The following LRRC3B variants were observed in gnomAD, a reference collection of about 807,000 sequenced individuals.
The protein encoded by LRRC3B is leucine rich repeat containing 3B, also known as leucine-rich repeat-containing protein 3B.
A neutral mutation model predicts 12.8 loss-of-function variants in LRRC3B; 2 were observed. That is an observed-to-expected ratio of 0.16 (90% confidence interval 0.06 to 0.49). The LOEUF (loss-of-function observed/expected upper bound fraction) is 0.49. LRRC3B is among the 20% of genes least tolerant of loss of function. The pLI, the probability that LRRC3B is intolerant of heterozygous loss-of-function variation, is 0.96. For synonymous variants in LRRC3B, 132 were observed against 122.0 expected, an observed-to-expected ratio of 1.08 and a Z score of -0.54; for missense variants, 189 against 319.4, an observed-to-expected ratio of 0.59 and a Z score of 3.11.
intron 1 of LRRC3B, among the ~76,000 whole-genome samples, chr3:26,667,722 A>C (rs1050237878): frequency 1.3e-5 from 2 of 152,198 alleles, no homozygotes; most frequent in East Asian, 3.9e-4. Context: ...AAACATGGTC[A>C]CATGGGAACT....
chr3:26,634,864 C>T (rs2125402933), intron 1 of LRRC3B, among the ~76,000 whole-genome samples: 1 of 152,242 alleles, frequency 6.6e-6, no homozygotes, highest in East Asian at 1.9e-4. Flanking sequence ...CTTCATTGGG[C>T]CTGGTTAAAA....
chr3:26,696,506 C>T (rs1183705041), intron 1 of LRRC3B, among the ~76,000 whole-genome samples: 1 of 152,164 alleles, frequency 6.6e-6, no homozygotes, highest in East Asian at 1.9e-4. Flanking sequence ...TCTCCCCTAA[C>T]TCTTCAGAAT....
At chr3:26,630,917 G>A (rs1176271877) in intron 1 of LRRC3B, among the ~76,000 whole-genome samples, 1 of 152,226 alleles carries the variant, frequency 6.6e-6, no homozygotes, top group East Asian at 1.9e-4. Flanking sequence ...GGACAGGCCC[G>A]GGCAAATGGT....
chr3:26,662,000 G>C (rs2125423590), intron 1 of LRRC3B, among the ~76,000 whole-genome samples: 1 of 152,276 alleles, frequency 6.6e-6, no homozygotes, highest in East Asian at 1.9e-4. Context: ...AATCCCCTGA[G>C]TGTTCTGGGG....
exon 1 of LRRC3B, chr3:26,622,878 A>C (rs1698544090): frequency 6.6e-6 from 1 of 152,140 alleles, no homozygotes; most frequent in Admixed American, 6.5e-5. Flanking sequence ...CTCTTCCTGC[A>C]AGGCTACGGC....
intron 1 of LRRC3B, among the ~76,000 whole-genome samples, chr3:26,682,319 A>G (rs1158720330): frequency 6.6e-6 from 1 of 152,002 alleles, no homozygotes; most frequent in Non-Finnish European, 1.5e-5. Flanking sequence ...ACCGCTACAC[A>G]CATAGCTTGC....
In LRRC3B at chr3:26,648,451, A is replaced by G. The variant is rs780185757; in HGVS notation, c.-161+25214A>G. On this transcript the variant is annotated intron_variant, in intron 1 of 1. Coordinates refer to ENST00000396641, the Ensembl canonical transcript of LRRC3B. ...ATGAAAAGGGCTTTTTTTTTGTTTC[A>G]GTAAAAATTTAAATCTCCAGTTTTC... is the stretch of plus-strand genomic sequence containing the variant. Among the ~76,000 whole-genome samples the G allele has an allele frequency of 2.0e-5, 3 of 152,010 alleles. No individual in the cohort carries two copies. In the South Asian group the frequency reaches 6.2e-4, roughly 32 times the overall value.
At chr3:26,678,950 T>C (rs562384063) in intron 1 of LRRC3B, among the ~76,000 whole-genome samples, 1 of 152,166 alleles carries the variant, frequency 6.6e-6, no homozygotes, top group Non-Finnish European at 1.5e-5. Flanking sequence ...AGTATTTGGG[T>C]GGGCTCTGTT....
intron 1 of LRRC3B, among the ~76,000 whole-genome samples, chr3:26,664,226 C>A: frequency 6.6e-6 from 1 of 152,054 alleles, no homozygotes. Flanking sequence ...ACTTTTCATA[C>A]CCTGACAAGT....
At chr3:26,710,409 A>C (rs1559377439) in exon 2 of LRRC3B, 1 of 1,613,526 alleles carries the variant, frequency 6.2e-7, no homozygotes, top group Admixed American at 1.7e-5. Context: ...CCAAGCAGGC[A>C]GAAGAAAGCA....
chr3:26,687,871 C>G (rs938482916), intron 1 of LRRC3B, among the ~76,000 whole-genome samples: 1 of 152,190 alleles, frequency 6.6e-6, no homozygotes, highest in Non-Finnish European at 1.5e-5. Flanking sequence ...TAAGAATTAG[C>G]CTTGGCTCCT....
At chr3:26,639,157 T>G (rs975613871) in intron 1 of LRRC3B, among the ~76,000 whole-genome samples, 4 of 152,194 alleles carry the variant, frequency 2.6e-5, no homozygotes, top group African/African-American at 9.7e-5. Flanking sequence ...TTGTGTAATT[T>G]AAAATTTTTT....
At chr3:26,657,722 T>TGC (rs1699403862) in intron 1 of LRRC3B, among the ~76,000 whole-genome samples, 1 of 152,148 alleles carries the variant, frequency 6.6e-6, no homozygotes, top group African/African-American at 2.4e-5. Context: ...GCTCATTACT[T>TGC]TCGAGGTTGC....
intron 1 of LRRC3B, among the ~76,000 whole-genome samples, chr3:26,670,888 T>C (rs1039449427): frequency 6.6e-6 from 1 of 152,182 alleles, no homozygotes; most frequent in Admixed American, 6.5e-5. Flanking sequence ...TACAAAGAAC[T>C]ATCAAGGAGA....
chr3:26,671,367 TATATATAGAGAGAG>T lies in LRRC3B; in HGVS notation c.-160-38144_-160-38131del, dbSNP rs1223647734. 1.7e-4 allele frequency among the ~76,000 whole-genome samples: 7 copies of T among 40,318 alleles called. No individual in the cohort carries two copies. The South Asian group carries it at 3.9e-3, about 22-fold the overall frequency. The allele number at this position is 40,318 out of a possible 152,430, so 26.5% of individuals were successfully genotyped here. Reference sequence around the variant, plus strand: ...ATATGTGTGTATATATATATATATATATATATAGAGAGAGAGAGAGAGAGAGAGAGAGAGAGAGA... The same window carrying T: ...ATATGTGTGTATATATATATATATATAGAGAGAGAGAGAGAGAGAGAGAGA... On this transcript the variant is annotated intron_variant, in intron 1 of 1. Coordinates refer to ENST00000396641, the Ensembl canonical transcript of LRRC3B.
chr3:26,685,662 A>AT (rs1216733900), intron 1 of LRRC3B, among the ~76,000 whole-genome samples: 2 of 137,538 alleles, frequency 1.5e-5, no homozygotes, highest in Non-Finnish European at 3.1e-5. Flanking sequence ...AAAAACTACT[A>AT]TTACTATTTT....
rs1286444141 is a variant in LRRC3B at position 26,671,379 on chromosome 3, G to T, written c.-160-38134G>T. Reference sequence around the variant, plus strand: ...ATATATATATATATATATATAGAGAGAGAGAGAGAGAGAGAGAGAGAGAGA... The same window carrying T: ...ATATATATATATATATATATAGAGATAGAGAGAGAGAGAGAGAGAGAGAGA... On this transcript the variant is annotated intron_variant, in intron 1 of 1. Coordinates refer to ENST00000396641, the Ensembl canonical transcript of LRRC3B. Among the ~76,000 whole-genome samples the T allele has an allele frequency of 3.7e-3, 301 of 81,498 alleles. 1 individual carries two copies. The highest frequency in any genetic ancestry group is 9.5e-3 in the African/African-American group (152 of 16,012). The allele number at this position is 81,498 out of a possible 152,430, so 53.5% of individuals were successfully genotyped here.
At chr3:26,687,309 C>G (rs1268662790) in intron 1 of LRRC3B, among the ~76,000 whole-genome samples, 2 of 152,154 alleles carry the variant, frequency 1.3e-5, no homozygotes, top group African/African-American at 4.8e-5. Flanking sequence ...ATGTCCTTGG[C>G]ATAATCTTTT....
chr3:26,696,250 C>T (rs1427933313), intron 1 of LRRC3B, among the ~76,000 whole-genome samples: 2 of 152,116 alleles, frequency 1.3e-5, no homozygotes, highest in African/African-American at 2.4e-5. Flanking sequence ...TAAAATGATG[C>T]GTGTGTACAC....
Sources: gnomAD v4.1 joint callset for allele counts (sites outside exome capture counted in the v4.1 genomes callset) on GRCh38, gnomAD v4.1.1 for gene constraint, MANE v1.5 for transcripts, NCBI Gene and HGNC (gene_info 2026-07-23, HGNC 2026-07-21) for gene names.